The following HMX1 variants were observed in gnomAD, a reference collection of about 807,000 sequenced individuals.
HMX1 encodes the protein homeobox protein HMX1.
Under a neutral mutation model 8.9 loss-of-function variants are expected in HMX1, and 8 were observed. The observed-to-expected ratio is 0.90, with a 90% confidence interval of 0.53 to 1.63. The LOEUF (loss-of-function observed/expected upper bound fraction) is 1.63, where lower values mean the gene tolerates loss of function less well. Among genes scored for constraint, HMX1 ranks in the 40% most tolerant of loss-of-function variants. The pLI is 0.00. For missense variants in HMX1, 621 were observed against 558.5 expected, an observed-to-expected ratio of 1.11 and a Z score of -1.13; for synonymous variants, 311 against 283.4, an observed-to-expected ratio of 1.10 and a Z score of -0.98.
At position 8,849,040 on chromosome 4, in the gene HMX1, G is replaced by C. The variant is rs924861844; in HGVS notation, c.395-2716C>G. The stretch of plus-strand genomic sequence containing the variant: ...TCGTGGGGGTGGAGACCCGGCTGAG[G>C]GGGGTGGGCCTCCTCCCCCTGCCCG... On this transcript the variant is annotated intron_variant, in intron 1 of 1. Transcript: ENST00000506970. This position sits in a 1 kb window ranked among gnomAD's most constrained non-coding sequence, Gnocchi z 6.6. Among the ~76,000 whole-genome samples, 4 of 152,104 alleles carry C rather than the reference G, an allele frequency of 2.6e-5. No individual in the cohort carries two copies. Among genetic ancestry groups the C allele is most frequent in the Admixed American group, 6.5e-5 (1 of 15,290 alleles).
intron 1 of HMX1, among the ~76,000 whole-genome samples, chr4:8,858,547 G>A (rs891257662): frequency 1.3e-5 from 2 of 152,194 alleles, no homozygotes; most frequent in Non-Finnish European, 2.9e-5. Context: ...CCATTCGGGA[G>A]AGAGAGGTGC....
Position 8,867,903 on chromosome 4 carries a change from C to T in HMX1, c.837G>A (p.Leu279=). The change falls in exon 2 of 2, where the codon CTG becomes CTA. Residue 279 remains leucine (L), a synonymous_variant. Transcript: ENST00000400677. ...CGTGGTAGAGCACCGGCACGCGGACCAGGCGCTGCGCTCCCGGCGGGGACA... is the reference window on the plus strand; with the variant it reads ...CGTGGTAGAGCACCGGCACGCGGACTAGGCGCTGCGCTCCCGGCGGGGACA... ...ASLSPPGAQR[L]VRVPVLYHES... is the part of the protein sequence containing the mutation. The T allele has an allele frequency of 7.1e-7, 1 of 1,403,096 alleles. No individual in the cohort carries two copies. Among genetic ancestry groups the T allele is most frequent in the East Asian group, 3.0e-5 (1 of 32,886 alleles). 86.9% of individuals were successfully genotyped at this position (1,403,096 alleles called of 1,614,324 possible). A position where few individuals can be genotyped will look rare whatever the true frequency, so the allele number is the denominator to read the frequency against.
In HMX1 at chr4:8,853,354, A is replaced by T. The variant is rs1225615816; in HGVS notation, c.395-7030T>A. On this transcript the variant is annotated intron_variant, in intron 1 of 1. Transcript: ENST00000506970. The surrounding 1 kb of genome is among the most constrained non-coding windows in gnomAD (Gnocchi z 4.7). ...CACCTGACCATCACAGCCCCATTCCAGGCAGCCAAGAAGGAGAGTTTGAGG... is the reference window on the plus strand; with the variant it reads ...CACCTGACCATCACAGCCCCATTCCTGGCAGCCAAGAAGGAGAGTTTGAGG... 6.6e-6 allele frequency among the ~76,000 whole-genome samples: 1 copy of T among 152,138 alleles called. No homozygotes were observed. The highest frequency in any genetic ancestry group is 2.4e-5 in the African/African-American group (1 of 41,430).
rs1203353288 is a variant in HMX1, at chr4:8,871,179, G to C, written c.394+42C>G. On this transcript the variant is annotated intron_variant, in intron 1 of 1. Coordinates refer to ENST00000400677, the MANE Select transcript of HMX1 (RefSeq NM_018942.3). The surrounding 1 kb of genome is among the most constrained non-coding windows in gnomAD (Gnocchi z 4.8). ...CCAGCAAATGCGCAGGGAGGAAGTCGGGCCCCACCGCCTGACCCACCCTCC... is the reference window on the plus strand; with the variant it reads ...CCAGCAAATGCGCAGGGAGGAAGTCCGGCCCCACCGCCTGACCCACCCTCC... 2.9e-6 allele frequency: 4 copies of C among 1,359,400 alleles called. No individual in the cohort carries two copies. The highest frequency in any genetic ancestry group is 1.6e-5 in the African/African-American group (1 of 64,304). The allele number at this position is 1,359,400 out of a possible 1,614,324, so 84.2% of individuals were successfully genotyped here. A position where few individuals can be genotyped will look rare whatever the true frequency, so the allele number is the denominator to read the frequency against.
At chr4:8,863,586 C>A (rs1026899276), downstream of HMX1, among the ~76,000 whole-genome samples, 2 of 152,234 alleles carry the variant, frequency 1.3e-5, no homozygotes, top group East Asian at 3.9e-4. Context: ...GGCAGAGGAG[C>A]CCCATGGGGG....
In HMX1 at chr4:8,868,190, C is replaced by A; in HGVS notation, c.550G>T (p.Glu184Ter). ...GTCTCCCCAGCCGCCGCAGGGACCTCGGCCAGCTCCGACGCCTCCTCCGTG... is the reference window on the plus strand; with the variant it reads ...GTCTCCCCAGCCGCCGCAGGGACCTAGGCCAGCTCCGACGCCTCCTCCGTG... ...AGTEEASELAEVPAAAGETRG... is the reference protein window; with the variant it reads ...AGTEEASELA Residue 184 changes from glutamate (E) to a stop codon, truncating the protein, a stop_gained, in exon 2 of 2, where the codon GAG becomes TAG. Coordinates refer to ENST00000400677, the MANE Select transcript of HMX1 (RefSeq NM_018942.3). LOFTEE classifies it low-confidence loss of function (END_TRUNC). This position sits in a 1 kb window ranked among gnomAD's most constrained non-coding sequence, Gnocchi z 4.6. The A allele has an allele frequency of 6.7e-7, 1 of 1,485,182 alleles. No homozygotes were observed. The highest frequency in any genetic ancestry group is 8.9e-7 in the Non-Finnish European group (1 of 1,123,348). 92.0% of individuals were successfully genotyped at this position (1,485,182 alleles called of 1,614,324 possible). A position where few individuals can be genotyped will look rare whatever the true frequency, so the allele number is the denominator to read the frequency against.
chr4:8,856,419 C>T (rs1398483959), intron 1 of HMX1, among the ~76,000 whole-genome samples: 1 of 151,974 alleles, frequency 6.6e-6, no homozygotes, highest in Non-Finnish European at 1.5e-5. Flanking sequence ...AAGTGGAGGA[C>T]ATTTTAAGTT....
At chr4:8,863,164 C>T (rs906915727), downstream of HMX1, among the ~76,000 whole-genome samples, 1 of 152,186 alleles carries the variant, frequency 6.6e-6, no homozygotes, top group Non-Finnish European at 1.5e-5. Context: ...GGAGGAACAG[C>T]AGCAGCACCA....
In HMX1 at chr4:8,848,514, A is replaced by G. The variant is rs145202188; in HGVS notation, c.395-2190T>C. ...CCCTAGTTCAATCCCCTTGTTTTAC[A>G]AATAGGAAACCTGAGGCCAGAGAAG... On this transcript the variant is annotated intron_variant, in intron 1 of 1. Coordinates refer to the HMX1 transcript ENST00000506970. The surrounding 1 kb of genome is among the most constrained non-coding windows in gnomAD (Gnocchi z 4.1). Among the ~76,000 whole-genome samples, 79 of 152,322 alleles carry G rather than the reference A, an allele frequency of 5.2e-4. No homozygotes were observed. Among genetic ancestry groups the G allele is most frequent in the African/African-American group, 1.8e-3 (74 of 41,556 alleles).
At chr4:8,864,703 A>C (rs942994468), downstream of HMX1, among the ~76,000 whole-genome samples, 8 of 152,180 alleles carry the variant, frequency 5.3e-5, no homozygotes, top group Non-Finnish European at 8.8e-5. Context: ...CACGGATAAC[A>C]GGGCAGGGCC....
intron 1 of HMX1, among the ~76,000 whole-genome samples, chr4:8,855,990 T>C (rs1000393901): frequency 6.6e-6 from 1 of 152,078 alleles, no homozygotes; most frequent in Non-Finnish European, 1.5e-5. Context: ...GGAAGGGAGC[T>C]TGGGGACAGA....
chr4:8,858,716 G>A (rs532307424), intron 1 of HMX1: 2 of 152,392 alleles, frequency 1.3e-5, no homozygotes, highest in East Asian at 3.9e-4. Context: ...GCCCGCTAGG[G>A]ACGCTGAGCT....
rs987996806 is a variant in HMX1, at chr4:8,870,612, G to A, written c.394+609C>T. Among the ~76,000 whole-genome samples, 6 of 152,086 alleles carry A rather than the reference G, an allele frequency of 3.9e-5. No individual in the cohort carries two copies. The highest frequency in any genetic ancestry group is 1.4e-4 in the African/African-American group (6 of 41,488). ...GCGGGCACAGAGGAAACAGGACTCT[G>A]GGGGGGCACAGCTGCCATGTTAGAT... On this transcript the variant is annotated intron_variant, in intron 1 of 1. Coordinates refer to ENST00000400677, the MANE Select transcript of HMX1 (RefSeq NM_018942.3). This position sits in a 1 kb window ranked among gnomAD's most constrained non-coding sequence, Gnocchi z 4.4.
intron 1 of HMX1, among the ~76,000 whole-genome samples, chr4:8,855,077 C>T (rs969616119): frequency 6.6e-5 from 10 of 152,246 alleles, no homozygotes; most frequent in Non-Finnish European, 1.0e-4. Flanking sequence ...ACAGGAGTGA[C>T]GCCCACGCTC....
downstream of HMX1, among the ~76,000 whole-genome samples, chr4:8,864,398 T>A (rs142388882): frequency 7.7e-4 from 117 of 152,046 alleles, no homozygotes; most frequent in Middle Eastern, 3.4e-3. Flanking sequence ...GAATCCGGAC[T>A]CAGGTGCGGA....
chr4:8,850,468 G>C (rs1340219713), intron 1 of HMX1, among the ~76,000 whole-genome samples: 1 of 152,074 alleles, frequency 6.6e-6, no homozygotes, highest in East Asian at 1.9e-4. Flanking sequence ...GCAGGATTAA[G>C]CCCAGGCTCC....
Position 8,860,139 on chromosome 4 carries a change from C to G in HMX1, c.394+11082G>C, listed in dbSNP as rs575649101. On this transcript the variant is annotated intron_variant, in intron 1 of 1. Transcript: ENST00000506970. The stretch of plus-strand genomic sequence containing the variant: ...CAGCAGGGCCCTGGTGCCTGGACAC[C>G]CCCGGGTGCGCGCGGCGTGGCTGCC... 2.6e-5 allele frequency among the ~76,000 whole-genome samples: 4 copies of G among 152,358 alleles called. No homozygotes were observed. The East Asian group carries it at 7.7e-4, about 29-fold the overall frequency.
intron 1 of HMX1, among the ~76,000 whole-genome samples, chr4:8,854,005 G>T (rs758490783): frequency 1.3e-5 from 2 of 152,154 alleles, no homozygotes; most frequent in African/African-American, 2.4e-5. Context: ...GCCCTGAGCC[G>T]ACCCATGGCC....
At chr4:8,858,002 AAAG>A (rs1721670654) in intron 1 of HMX1, among the ~76,000 whole-genome samples, 1 of 151,634 alleles carries the variant, frequency 6.6e-6, no homozygotes, top group African/African-American at 2.4e-5. Flanking sequence ...TTTTAACGAA[AAAG>A]AAGTTGAAGC....
Sources: gnomAD v4.1 joint callset for allele counts (sites outside exome capture counted in the v4.1 genomes callset) on GRCh38, gnomAD v4.1.1 for gene constraint, Gnocchi (gnomAD v3.1) non-coding constraint, MANE v1.5 for transcripts, NCBI Gene and HGNC (gene_info 2026-07-23, HGNC 2026-07-21) for gene names.